AGMO: variants seen among roughly 807,000 people sequenced by gnomAD.
AGMO encodes glyceryl-ether monooxygenase.
A neutral mutation model predicts 60.2 loss-of-function variants in AGMO; 75 were observed. The ratio of observed to expected loss-of-function variants is 1.25; its 90% CI spans 1.03 to 1.51. The LOEUF (loss-of-function observed/expected upper bound fraction) is 1.51. AGMO is among the 40% of genes most tolerant of loss of function. The probability of loss-of-function intolerance (pLI) is 0.00; values close to 1 mark genes in which losing one functional copy is unlikely to be tolerated. For missense variants in AGMO, 763 were observed against 525.5 expected (o/e 1.45, Z -4.42); for synonymous variants, 261 against 177.1 (o/e 1.47, Z -3.76).
intron 3 of AGMO, among the ~76,000 whole-genome samples, chr7:15,505,875 T>G (rs557366355): frequency 6.6e-6 from 1 of 152,182 alleles, no homozygotes; most frequent in East Asian, 1.9e-4. Context: ...AGATGAGTCT[T>G]CTGATGACTT....
intron 3 of AGMO, among the ~76,000 whole-genome samples, chr7:15,446,080 A>G (rs1781690251): frequency 6.6e-6 from 1 of 152,222 alleles, no homozygotes; most frequent in Non-Finnish European, 1.5e-5. Context: ...ACATGTGATG[A>G]AGATCCATTA....
At chr7:15,241,327 G>A (rs796614102) in intron 12 of AGMO, among the ~76,000 whole-genome samples, 60 of 151,408 alleles carry the variant, frequency 4.0e-4, no homozygotes, top group African/African-American at 1.4e-3. Context: ...GGGCGTGGTG[G>A]TGGGCGCCTG....
intron 12 of AGMO, among the ~76,000 whole-genome samples, chr7:15,209,393 G>GT (rs61499606): frequency 1.9e-4 from 12 of 64,716 alleles, no homozygotes; most frequent in Non-Finnish European, 3.8e-4. Flanking sequence ...AAAAAATGAG[G>GT]TTTTTTTTTA....
chr7:15,433,952 AT>A, intron 3 of AGMO, among the ~76,000 whole-genome samples: 1 of 151,838 alleles, frequency 6.6e-6, no homozygotes, highest in Non-Finnish European at 1.5e-5. Context: ...TTCTTTTTCA[AT>A]TTTTTTATGA....
At chr7:15,517,984 G>C (rs1052072357) in intron 3 of AGMO, among the ~76,000 whole-genome samples, 2 of 152,016 alleles carry the variant, frequency 1.3e-5, no homozygotes, top group African/African-American at 4.8e-5. Context: ...AGCTTGGTTG[G>C]GGGAGGGGCA....
chr7:15,404,429 T>A (rs10258597), intron 5 of AGMO, among the ~76,000 whole-genome samples: 30,113 of 151,760 alleles, frequency 0.2, 3,252 homozygotes, highest in Middle Eastern at 0.28. Flanking sequence ...CTGTTAAGCA[T>A]GTTCCCTCAA....
intron 12 of AGMO, among the ~76,000 whole-genome samples, chr7:15,220,836 T>C (rs1781897327): frequency 6.6e-6 from 1 of 152,110 alleles, no homozygotes. Flanking sequence ...ATCTGTCCCC[T>C]GAAATTAATC....
At chr7:15,207,461 T>C (rs910481101) in intron 12 of AGMO, among the ~76,000 whole-genome samples, 8 of 152,352 alleles carry the variant, frequency 5.3e-5, no homozygotes, top group Non-Finnish European at 8.8e-5. Flanking sequence ...ACTACTAGAT[T>C]CTTGCCTTTC....
the AGMO span, among the ~76,000 whole-genome samples, chr7:15,164,707 C>T: frequency 6.6e-6 from 1 of 151,890 alleles, no homozygotes; most frequent in Non-Finnish European, 1.5e-5. Context: ...CTCTCCCACA[C>T]CAGTCAGAAT....
chr7:15,300,594 A>T (rs370895110), intron 12 of AGMO, among the ~76,000 whole-genome samples: 1 of 152,148 alleles, frequency 6.6e-6, no homozygotes, highest in Admixed American at 6.5e-5. Context: ...GAAAGCAGCA[A>T]TTTTTCTTCT....
intron 3 of AGMO, among the ~76,000 whole-genome samples, chr7:15,510,359 G>A (rs1783637288): frequency 2.6e-5 from 4 of 151,676 alleles, no homozygotes; most frequent in Admixed American, 2.6e-4. Context: ...TTTGTTTTTA[G>A]TACAGACAGG....
At chr7:15,243,023 T>A (rs2128503582) in intron 12 of AGMO, among the ~76,000 whole-genome samples, 1 of 152,172 alleles carries the variant, frequency 6.6e-6, no homozygotes, top group Non-Finnish European at 1.5e-5. Context: ...GAAAGGAATT[T>A]AATGTATCAC....
intron 12 of AGMO, among the ~76,000 whole-genome samples, chr7:15,317,193 C>T (rs1006965423): frequency 6.6e-6 from 1 of 152,080 alleles, no homozygotes; most frequent in Admixed American, 6.5e-5. Flanking sequence ...CATTTCAGTA[C>T]ATTGGGGATC....
intron 3 of AGMO, among the ~76,000 whole-genome samples, chr7:15,460,701 A>C (rs1782121834): frequency 1.3e-5 from 2 of 152,152 alleles, no homozygotes; most frequent in African/African-American, 2.4e-5. Context: ...AAAATAAGGC[A>C]TTAGTGAAAA....
chr7:15,322,447 TATATATATAA>T (rs1178594521), intron 12 of AGMO, among the ~76,000 whole-genome samples: 3 of 111,550 alleles, frequency 2.7e-5, no homozygotes, highest in South Asian at 2.5e-4. Context: ...TATATATAAA[TATATATATAA>T]ATATATATAA....
chr7:15,337,575 C>T (rs1781701235), intron 12 of AGMO, among the ~76,000 whole-genome samples: 1 of 152,154 alleles, frequency 6.6e-6, no homozygotes, highest in Non-Finnish European at 1.5e-5. Context: ...TCTACCACTA[C>T]AACACATATG....
At chr7:15,240,422 G>A (rs1782555669) in intron 12 of AGMO, among the ~76,000 whole-genome samples, 1 of 152,132 alleles carries the variant, frequency 6.6e-6, no homozygotes, top group Non-Finnish European at 1.5e-5. Context: ...TGAACCTACA[G>A]AGGACACATT....
At chr7:15,556,219 G>GT (rs71004394) in intron 2 of AGMO, among the ~76,000 whole-genome samples, 11,619 of 91,366 alleles carry the variant, frequency 0.13, 1,689 homozygotes, top group African/African-American at 0.37. Context: ...CTCCTTTTTA[G>GT]TTTTTTTTTT....
intron 12 of AGMO, among the ~76,000 whole-genome samples, chr7:15,229,729 T>TATTA (rs1782200919): frequency 7.4e-6 from 1 of 135,172 alleles, no homozygotes; most frequent in African/African-American, 3.0e-5. Flanking sequence ...TATATATAAA[T>TATTA]TATATATTAT....
Sources: allele counts gnomAD v4.1 joint callset (sites outside exome capture counted in the v4.1 genomes callset), GRCh38; gene constraint gnomAD v4.1.1; transcripts MANE v1.5; gene names NCBI Gene and HGNC (gene_info 2026-07-23, HGNC 2026-07-21).